The following AGBL4 variants were observed in gnomAD, a reference collection of about 807,000 sequenced individuals.
The protein encoded by AGBL4 is cytosolic carboxypeptidase 6.
In AGBL4, 58 loss-of-function variants were observed where a neutral mutation model predicts 66.4. The observed-to-expected ratio is 0.87, with a 90% CI of 0.71 to 1.09. The LOEUF is 1.09. AGBL4 is among the 50% of genes least tolerant of loss of function. The probability of loss-of-function intolerance (pLI) is 0.00; values close to 1 mark genes in which losing one functional copy is unlikely to be tolerated. For missense variants in AGBL4, 579 were observed against 631.0 expected (o/e 0.92, Z 0.88); for synonymous variants, 234 against 222.9 (o/e 1.05, Z -0.44).
intron 6 of AGBL4, among the ~76,000 whole-genome samples, chr1:48,804,281 G>T (rs1389732816): frequency 6.6e-6 from 1 of 152,102 alleles, no homozygotes; most frequent in African/African-American, 2.4e-5. Flanking sequence ...TTTCTAAAAG[G>T]TATCCCATTA....
At chr1:49,997,146 G>GA (rs1165578004) in intron 1 of AGBL4, among the ~76,000 whole-genome samples, 4 of 151,660 alleles carry the variant, frequency 2.6e-5, no homozygotes, top group South Asian at 4.1e-4. Flanking sequence ...ATAATATAAT[G>GA]AAAAAAATGA....
chr1:48,832,245 C>T (rs1169634275), intron 6 of AGBL4, among the ~76,000 whole-genome samples: 1 of 152,140 alleles, frequency 6.6e-6, no homozygotes, highest in African/African-American at 2.4e-5. Context: ...CGCTCACTGG[C>T]ACTTACATAA....
chr1:49,263,690 T>G (rs1334880701), intron 3 of AGBL4, among the ~76,000 whole-genome samples: 7 of 152,210 alleles, frequency 4.6e-5, no homozygotes, highest in African/African-American at 1.2e-4. Flanking sequence ...TTTTGAACAT[T>G]GCTGGTAAGC....
chr1:49,812,479 A>C (rs1450754340), intron 2 of AGBL4, among the ~76,000 whole-genome samples: 1 of 152,206 alleles, frequency 6.6e-6, no homozygotes, highest in Non-Finnish European at 1.5e-5. Context: ...TACATCAAAA[A>C]AGAGCCAGTT....
chr1:49,651,675 G>A (rs1366551295), intron 3 of AGBL4, among the ~76,000 whole-genome samples: 2 of 151,892 alleles, frequency 1.3e-5, no homozygotes, highest in Non-Finnish European at 2.9e-5. Flanking sequence ...AAGATACACT[G>A]CAGTCACATT....
chr1:49,199,528 T>A (rs1019293870), intron 4 of AGBL4, among the ~76,000 whole-genome samples: 2 of 152,182 alleles, frequency 1.3e-5, no homozygotes, highest in African/African-American at 4.8e-5. Flanking sequence ...AACCTTACAC[T>A]ACTCATTGAG....
At chr1:48,637,516 CTT>C (rs1645687333) in intron 8 of AGBL4, among the ~76,000 whole-genome samples, 1 of 152,180 alleles carries the variant, frequency 6.6e-6, no homozygotes. Context: ...GATTCTATCT[CTT>C]TGTTCCCTGG....
chr1:49,717,749 G>GTAGT (rs1223412156), intron 2 of AGBL4, among the ~76,000 whole-genome samples: 1 of 152,010 alleles, frequency 6.6e-6, no homozygotes, highest in Non-Finnish European at 1.5e-5. Context: ...AGCACCTGTA[G>GTAGT]TAGTGTCTGG....
intron 3 of AGBL4, among the ~76,000 whole-genome samples, chr1:49,416,461 T>C (rs1020684059): frequency 6.6e-6 from 1 of 152,130 alleles, no homozygotes; most frequent in African/African-American, 2.4e-5. Context: ...GGAGCCACTA[T>C]TTCCTCATCC....
At chr1:48,611,439 A>G (rs1645237717) in intron 9 of AGBL4, among the ~76,000 whole-genome samples, 3 of 152,256 alleles carry the variant, frequency 2.0e-5, no homozygotes, top group Admixed American at 2.0e-4. Context: ...TGCCTGTAGG[A>G]CTGCAGGGAC....
chr1:48,672,866 C>T (rs1421968178), intron 6 of AGBL4, among the ~76,000 whole-genome samples: 1 of 152,194 alleles, frequency 6.6e-6, no homozygotes, highest in Non-Finnish European at 1.5e-5. Context: ...TAATGGGTTA[C>T]AATACAACAG....
chr1:48,710,290 C>T (rs1168441002), intron 6 of AGBL4, among the ~76,000 whole-genome samples: 2 of 152,102 alleles, frequency 1.3e-5, no homozygotes, highest in African/African-American at 2.4e-5. Context: ...CTGAAGTTCC[C>T]CTGGGAAGGG....
At chr1:48,779,733 G>C (rs1645246668) in intron 6 of AGBL4, among the ~76,000 whole-genome samples, 1 of 128,746 alleles carries the variant, frequency 7.8e-6, no homozygotes, top group African/African-American at 3.1e-5. Context: ...TTTTTCTTGA[G>C]ACGGAGTTTC....
At chr1:48,939,480 C>T (rs899526349) in intron 5 of AGBL4, among the ~76,000 whole-genome samples, 1 of 152,176 alleles carries the variant, frequency 6.6e-6, no homozygotes, top group African/African-American at 2.4e-5. Flanking sequence ...TTTGTTCAAA[C>T]TGCTGTGAAA....
chr1:49,736,590 T>C (rs1649910935), intron 2 of AGBL4, among the ~76,000 whole-genome samples: 1 of 152,144 alleles, frequency 6.6e-6, no homozygotes, highest in Non-Finnish European at 1.5e-5. Flanking sequence ...GCAAAAGTAG[T>C]GTCGACATCA....
intron 3 of AGBL4, among the ~76,000 whole-genome samples, chr1:49,689,971 T>A (rs1646855892): frequency 6.6e-6 from 1 of 152,186 alleles, no homozygotes; most frequent in African/African-American, 2.4e-5. Flanking sequence ...AGTCAACTGA[T>A]GTGGTATACC....
chr1:49,754,025 A>G (rs1167938722), intron 2 of AGBL4, among the ~76,000 whole-genome samples: 1 of 152,156 alleles, frequency 6.6e-6, no homozygotes, highest in Non-Finnish European at 1.5e-5. Context: ...ATGCTCCTTT[A>G]GCTCAGAGGA....
At chr1:49,851,274 G>T (rs917231435) in intron 2 of AGBL4, 122 bp downstream of exon 2, 3 of 1,131,834 alleles carry the variant, frequency 2.7e-6, no homozygotes, top group Non-Finnish European at 3.5e-6. Context: ...CATAAAACTT[G>T]TCCCATTATT....
At chr1:48,682,908 A>G (rs6694041) in intron 6 of AGBL4, among the ~76,000 whole-genome samples, 10,698 of 152,232 alleles carry the variant, frequency 0.07, 1,294 homozygotes, top group African/African-American at 0.24. Flanking sequence ...GTGAGATAAC[A>G]TAAGGGACAA....
Sources: gnomAD v4.1 joint callset for allele counts (sites outside exome capture counted in the v4.1 genomes callset) on GRCh38, gnomAD v4.1.1 for gene constraint, MANE v1.5 for transcripts, NCBI Gene and HGNC (gene_info 2026-07-23, HGNC 2026-07-21) for gene names.